Variants in DLGAP1 observed in about 807,000 individuals in gnomAD.
DLGAP1 encodes DLG associated protein 1.
In DLGAP1, 11 loss-of-function variants were observed where a neutral mutation model predicts 90.8. That is an observed-to-expected ratio of 0.12 (90% CI 0.08 to 0.20). The LOEUF (loss-of-function observed/expected upper bound fraction) is 0.20, where lower values mean the gene tolerates loss of function less well. Among genes scored for constraint, DLGAP1 ranks in the 10% least tolerant of loss-of-function variants. DLGAP1 has a pLI of 1.00. For missense variants in DLGAP1, 1,050 were observed against 1,333.8 expected, an observed-to-expected ratio of 0.79 and a Z score of 3.31; for synonymous variants, 558 against 540.7, an observed-to-expected ratio of 1.03 and a Z score of -0.44.
intron 3 of DLGAP1, chr18:3,978,225 C>A: frequency 4.7e-6 from 2 of 427,630 alleles, no homozygotes; most frequent in Non-Finnish European, 9.1e-6. Flanking sequence ...TACTTCTCAT[C>A]GTTCATGCCC....
intron 1 of DLGAP1, among the ~76,000 whole-genome samples, chr18:4,308,335 TTTG>T (rs1188446275): frequency 3.9e-5 from 6 of 152,162 alleles, no homozygotes; most frequent in African/African-American, 1.4e-4. Flanking sequence ...ATAAACTTAT[TTTG>T]AGCTACATAA....
intron 7 of DLGAP1, chr18:3,656,220 G>A: frequency 1.1e-6 from 1 of 889,418 alleles, no homozygotes; most frequent in African/African-American, 1.7e-5. Flanking sequence ...TTTTTCTGCT[G>A]GCATTGCAAG....
chr18:3,919,091 G>A (rs1290754184), intron 3 of DLGAP1, among the ~76,000 whole-genome samples: 1 of 140,006 alleles, frequency 7.1e-6, no homozygotes, highest in Admixed American at 6.8e-5. Flanking sequence ...CCTGGATATA[G>A]GTAAGTTGAT....
intron 1 of DLGAP1, among the ~76,000 whole-genome samples, chr18:4,204,687 T>C (rs1281916083): frequency 2.6e-5 from 4 of 152,094 alleles, no homozygotes; most frequent in Non-Finnish European, 5.9e-5. Context: ...TTTTAAGAGG[T>C]TTGACATCAA....
In DLGAP1 at chr18:3,612,329, G is replaced by A. The variant is rs558773230; in HGVS notation, c.1592-30081C>T. On this transcript the variant is annotated intron_variant, in intron 7 of 12. Transcript: ENST00000315677. ...TAAGAATGAAAAACTTCCTTATAGG[G>A]TTGTAGAGAGGCTGAAAGGAAGCAA... 5.9e-5 allele frequency among the ~76,000 whole-genome samples: 9 copies of A among 152,312 alleles called. No individual in the cohort carries two copies. The South Asian group carries it at 1.9e-3, about 32-fold the overall frequency.
chr18:3,670,893 C>T (rs1352696494), intron 7 of DLGAP1, among the ~76,000 whole-genome samples: 1 of 152,240 alleles, frequency 6.6e-6, no homozygotes, highest in Non-Finnish European at 1.5e-5. Flanking sequence ...TTTTAGTTTA[C>T]CTTATTAAGA....
intron 5 of DLGAP1, among the ~76,000 whole-genome samples, chr18:3,763,941 C>T (rs541571491): frequency 2.0e-5 from 3 of 152,282 alleles, no homozygotes; most frequent in African/African-American, 4.8e-5. Flanking sequence ...GGATTACAGG[C>T]GTGCAGCACT....
intron 2 of DLGAP1, among the ~76,000 whole-genome samples, chr18:4,014,985 G>A (rs967594574): frequency 6.6e-6 from 1 of 152,188 alleles, no homozygotes; most frequent in Non-Finnish European, 1.5e-5. Context: ...TAACAGCACA[G>A]AACACTGGGC....
intron 1 of DLGAP1, among the ~76,000 whole-genome samples, chr18:4,416,260 G>A (rs1228560961): frequency 6.6e-6 from 1 of 152,102 alleles, no homozygotes; most frequent in African/African-American, 2.4e-5. Flanking sequence ...TGGCAATAGT[G>A]TCCTTTGTGG....
At chr18:4,263,256 G>T (rs922528648) in intron 1 of DLGAP1, among the ~76,000 whole-genome samples, 1 of 152,032 alleles carries the variant, frequency 6.6e-6, no homozygotes, top group Non-Finnish European at 1.5e-5. Context: ...ATACCAGGAC[G>T]CATTTTCATA....
At chr18:3,588,469 A>G (rs965426724) in intron 7 of DLGAP1, among the ~76,000 whole-genome samples, 7 of 151,150 alleles carry the variant, frequency 4.6e-5, no homozygotes, top group African/African-American at 1.5e-4. Flanking sequence ...CAAAAAAAAA[A>G]AAAGTTATAT....
intron 10 of DLGAP1, among the ~76,000 whole-genome samples, chr18:3,521,136 T>C (rs2051160618): frequency 6.6e-6 from 1 of 152,174 alleles, no homozygotes; most frequent in African/African-American, 2.4e-5. Context: ...GGAGCATGTG[T>C]AACCACTAGC....
intron 2 of DLGAP1, among the ~76,000 whole-genome samples, chr18:4,131,169 T>C (rs903624692): frequency 3.3e-5 from 5 of 152,064 alleles, no homozygotes; most frequent in African/African-American, 1.2e-4. Flanking sequence ...TTGTCTCCAG[T>C]TTATGAGCTT....
chr18:4,374,801 T>G (rs2081982961), intron 1 of DLGAP1, among the ~76,000 whole-genome samples: 1 of 152,148 alleles, frequency 6.6e-6, no homozygotes, highest in Non-Finnish European at 1.5e-5. Context: ...GAAAATACAG[T>G]TATTTCAACA....
intron 7 of DLGAP1, chr18:3,655,963 G>T: frequency 1.1e-6 from 1 of 892,014 alleles, no homozygotes; most frequent in East Asian, 2.7e-5. Flanking sequence ...AGATGCAATG[G>T]CAATAGCTGG....
chr18:3,656,285 A>G (rs932304759), intron 7 of DLGAP1: 16 of 544,412 alleles, frequency 2.9e-5, no homozygotes, highest in Non-Finnish European at 4.1e-5. Context: ...AGTCTTAACT[A>G]GGTCTCATGG....
intron 1 of DLGAP1, among the ~76,000 whole-genome samples, chr18:4,299,439 T>A (rs1048169397): frequency 2.6e-5 from 4 of 152,194 alleles, no homozygotes; most frequent in Non-Finnish European, 5.9e-5. Context: ...AACCATAATT[T>A]AGTGTAAATT....
At chr18:4,346,352 G>A (rs1052459667) in intron 1 of DLGAP1, among the ~76,000 whole-genome samples, 2 of 152,136 alleles carry the variant, frequency 1.3e-5, no homozygotes, top group African/African-American at 2.4e-5. Context: ...CACATCCTCT[G>A]CAGAAGACTG....
intron 1 of DLGAP1, among the ~76,000 whole-genome samples, chr18:4,157,809 T>C (rs1470014542): frequency 3.3e-5 from 5 of 152,184 alleles, no homozygotes; most frequent in African/African-American, 1.2e-4. Flanking sequence ...AAGTGTGCTA[T>C]GTCTGTGAGT....
Sources: allele counts gnomAD v4.1 joint callset (sites outside exome capture counted in the v4.1 genomes callset), GRCh38; gene constraint gnomAD v4.1.1; transcripts MANE v1.5; gene names NCBI Gene and HGNC (gene_info 2026-07-23, HGNC 2026-07-21).